Variants in MEOX2 observed in about 807,000 individuals in gnomAD.
The protein encoded by MEOX2 is mesenchyme homeobox 2.
In MEOX2, 11 loss-of-function variants were observed where a neutral mutation model predicts 27.0. The ratio of observed to expected loss-of-function variants is 0.41; its 90% confidence interval spans 0.26 to 0.68. MEOX2 has a LOEUF of 0.68. Ranked by LOEUF, MEOX2 falls within the 30% of genes least tolerant of loss-of-function variation. The pLI is 0.33. For synonymous variants in MEOX2, 189 were observed against 155.4 expected, an observed-to-expected ratio of 1.22 and a Z score of -1.61; for missense variants, 436 against 385.4, an observed-to-expected ratio of 1.13 and a Z score of -1.10.
chr7:15,648,878 T>C (rs1029911457), intron 1 of MEOX2, among the ~76,000 whole-genome samples: 1 of 152,022 alleles, frequency 6.6e-6, no homozygotes, highest in African/African-American at 2.4e-5. Context: ...CCCTCTTCCT[T>C]TGGCACCCAC....
At chr7:15,631,087 T>C (rs1192338478) in intron 1 of MEOX2, among the ~76,000 whole-genome samples, 3 of 151,936 alleles carry the variant, frequency 2.0e-5, no homozygotes, top group Non-Finnish European at 4.4e-5. Context: ...CAGAATAGGA[T>C]AGCCAGAAAA....
intron 1 of MEOX2, among the ~76,000 whole-genome samples, chr7:15,630,788 C>A (rs1167420377): frequency 6.6e-6 from 1 of 151,936 alleles, no homozygotes; most frequent in African/African-American, 2.4e-5. Flanking sequence ...TGAAATCATT[C>A]TATTGGTGCT....
At chr7:15,653,464 C>T (rs1268790524) in intron 1 of MEOX2, among the ~76,000 whole-genome samples, 1 of 151,862 alleles carries the variant, frequency 6.6e-6, no homozygotes, top group Non-Finnish European at 1.5e-5. Flanking sequence ...TTTCACGGAG[C>T]AAAAACTTGT....
At chr7:15,662,633 T>C (rs953545439) in intron 1 of MEOX2, among the ~76,000 whole-genome samples, 1 of 152,170 alleles carries the variant, frequency 6.6e-6, no homozygotes, top group Non-Finnish European at 1.5e-5. Context: ...AGACTTTTAG[T>C]TTCCATAGTG....
intron 2 of MEOX2, among the ~76,000 whole-genome samples, chr7:15,623,559 G>A (rs1390766252): frequency 2.6e-5 from 4 of 151,978 alleles, no homozygotes; most frequent in African/African-American, 7.3e-5. Flanking sequence ...TAGTAGAGAC[G>A]GGGTTTCACC....
intron 1 of MEOX2, among the ~76,000 whole-genome samples, chr7:15,644,566 C>CTT (rs1781614517): frequency 6.6e-6 from 1 of 152,126 alleles, no homozygotes; most frequent in Admixed American, 6.5e-5. Flanking sequence ...GCAGCACAGC[C>CTT]TTTCCTGAGA....
intron 1 of MEOX2, among the ~76,000 whole-genome samples, chr7:15,652,710 T>G (rs1480683990): frequency 6.6e-6 from 1 of 152,022 alleles, no homozygotes; most frequent in Middle Eastern, 3.2e-3. Context: ...GAATGCTATT[T>G]ATATGGAATA....
Position 15,611,532 on chromosome 7 carries a change from T to A in MEOX2, c.*855A>T, listed in dbSNP as rs922626622. ...TAACTGATTTGCCTATGATCCTAATTGTTTTAAGCTATAAGATAGGAAGAA... is the reference window on the plus strand; with the variant it reads ...TAACTGATTTGCCTATGATCCTAATAGTTTTAAGCTATAAGATAGGAAGAA... On this transcript the variant is annotated 3_prime_UTR_variant, in exon 3 of 3. Coordinates refer to ENST00000262041, the MANE Select transcript of MEOX2 (RefSeq NM_005924.5). The A allele has an allele frequency of 2.0e-5, 3 of 152,730 alleles. No individual in the cohort carries two copies. Among genetic ancestry groups the A allele is most frequent in the African/African-American group, 7.2e-5 (3 of 41,578 alleles). 9.5% of individuals were successfully genotyped at this position (152,730 alleles called of 1,614,324 possible).
At chr7:15,625,239 C>G (rs752483995) in intron 2 of MEOX2, among the ~76,000 whole-genome samples, 1 of 151,956 alleles carries the variant, frequency 6.6e-6, no homozygotes, top group Non-Finnish European at 1.5e-5. Flanking sequence ...TTTTATTTTC[C>G]GTTCCCTGTT....
chr7:15,685,800 C>T, intron 1 of MEOX2, 86 bp downstream of exon 1: 5 of 1,486,790 alleles, frequency 3.4e-6, no homozygotes, highest in Non-Finnish European at 4.5e-6. Context: ...CTGCTGCCAC[C>T]CTCCAGTGCG....
At chr7:15,624,311 C>T (rs1333079514) in intron 2 of MEOX2, among the ~76,000 whole-genome samples, 1 of 152,132 alleles carries the variant, frequency 6.6e-6, no homozygotes, top group Admixed American at 6.5e-5. Flanking sequence ...ATATATTGTG[C>T]ACAATAACAA....
rs577347352 is a variant in MEOX2 at position 15,683,636 on chromosome 7, A to T, written c.517+2250T>A. On this transcript the variant is annotated intron_variant, in intron 1 of 2. Transcript: ENST00000262041. The stretch of plus-strand genomic sequence containing the variant: ...ACACGAGAAAGATATCTTTAATTTA[A>T]ATCTATCTCAATATCTGACAAATAT... Among the ~76,000 whole-genome samples the T allele has an allele frequency of 3.9e-5, 6 of 152,282 alleles. No individual in the cohort carries two copies. In the South Asian group the frequency reaches 1.0e-3, roughly 26 times the overall value.
intron 1 of MEOX2, among the ~76,000 whole-genome samples, chr7:15,658,691 T>C (rs972717244): frequency 2.6e-5 from 4 of 152,080 alleles, no homozygotes; most frequent in Non-Finnish European, 5.9e-5. Flanking sequence ...ACTGGAGCCC[T>C]GAGGAACAGG....
intron 1 of MEOX2, among the ~76,000 whole-genome samples, chr7:15,668,698 A>ATCCGCTCACCATGTTGGTCAGG (rs1782049523): frequency 6.6e-6 from 1 of 151,612 alleles, no homozygotes; most frequent in Non-Finnish European, 1.5e-5. Flanking sequence ...CTCGTCTCGA[A>ATCCGCTCACCATGTTGGTCAGG]CTCCTGATCT....
At chr7:15,646,549 T>C (rs540656529) in intron 1 of MEOX2, among the ~76,000 whole-genome samples, 3 of 152,076 alleles carry the variant, frequency 2.0e-5, no homozygotes, top group Non-Finnish European at 4.4e-5. Context: ...AAAATATTAG[T>C]TGTTTGATTA....
At chr7:15,656,418 C>G (rs1295657434) in intron 1 of MEOX2, among the ~76,000 whole-genome samples, 2 of 150,462 alleles carry the variant, frequency 1.3e-5, no homozygotes, top group Non-Finnish European at 3.0e-5. Context: ...TCATTGTTTC[C>G]TTGGTTTTTC....
intron 2 of MEOX2, among the ~76,000 whole-genome samples, chr7:15,614,077 T>C (rs1781080733): frequency 1.3e-5 from 2 of 151,624 alleles, no homozygotes; most frequent in African/African-American, 4.8e-5. Flanking sequence ...ACTAGTGTTT[T>C]GTGTTTTCTT....
intron 1 of MEOX2, chr7:15,679,661 T>C (rs569966236): frequency 2.0e-5 from 3 of 152,132 alleles, no homozygotes; most frequent in South Asian, 4.1e-4. Context: ...GTCATCAAGG[T>C]ACACAAACAT....
chr7:15,662,417 C>A (rs1364176840), intron 1 of MEOX2, among the ~76,000 whole-genome samples: 2 of 151,744 alleles, frequency 1.3e-5, no homozygotes, highest in Non-Finnish European at 2.9e-5. Flanking sequence ...AATCTGTATA[C>A]CAAACTGCTC....
Sources: allele counts gnomAD v4.1 joint callset (sites outside exome capture counted in the v4.1 genomes callset), GRCh38; gene constraint gnomAD v4.1.1; transcripts MANE v1.5; gene names NCBI Gene and HGNC (gene_info 2026-07-23, HGNC 2026-07-21).